Variants in MMEL1 observed in about 807,000 individuals in gnomAD.
The protein encoded by MMEL1 is membrane metallo-endopeptidase-like 1.
Under a neutral mutation model 117.1 loss-of-function variants are expected in MMEL1, and 98 were observed. The ratio of observed to expected loss-of-function variants is 0.84; its 90% confidence interval spans 0.71 to 0.99. The LOEUF is 0.99. MMEL1 is among the 50% of genes least tolerant of loss of function. The pLI is 0.00. For synonymous variants in MMEL1, 390 were observed against 415.1 expected, an observed-to-expected ratio of 0.94 and a Z score of 0.74; for missense variants, 1,014 against 1,049.1, an observed-to-expected ratio of 0.97 and a Z score of 0.46.
In MMEL1 at chr1:2,590,917, G is replaced by T; in HGVS notation, c.*73C>A. 1 of 1,202,264 alleles carries T rather than the reference G, an allele frequency of 8.3e-7. No individual in the cohort carries two copies. The highest frequency in any genetic ancestry group is 1.1e-6 in the Non-Finnish European group (1 of 918,148). The allele number at this position is 1,202,264 out of a possible 1,614,324, so 74.5% of individuals were successfully genotyped here. ...GGGGCGGGACGTACACTGGGTCGCC[G>T]CTAGCTGCACCTTCGCACAGATGCC... On this transcript the variant is annotated 3_prime_UTR_variant, in exon 24 of 24. Coordinates refer to ENST00000378412, the MANE Select transcript of MMEL1 (RefSeq NM_033467.4).
chr1:2,603,152 G>C (rs933062032), intron 11 of MMEL1, among the ~76,000 whole-genome samples: 1 of 152,200 alleles, frequency 6.6e-6, no homozygotes, highest in Admixed American at 6.5e-5. Flanking sequence ...GAGTCTCTCT[G>C]TCTTGCCCTT....
At position 2,609,357 on chromosome 1, in the gene MMEL1, G is replaced by T. The variant is rs376308719; in HGVS notation, c.517C>A (p.Arg173Ser). 172 of 1,611,640 alleles carry T rather than the reference G, an allele frequency of 1.1e-4. No individual in the cohort carries two copies. The highest frequency in any genetic ancestry group is 1.4e-4 in the Non-Finnish European group (161 of 1,179,408). Reference protein sequence around the residue: ...PAVEKARTLYRSCMNQSVIEK... With the variant: ...PAVEKARTLYSSCMNQSVIEK... ...CACTCACTCTGGTTCATGCAGGAGC[G>T]GTACAGCGTCCTGGCCTTCTCCACA... The change falls in exon 6 of 24, where the codon CGC (arginine) becomes AGC (serine). Residue 173 changes from arginine (R) to serine (S), a missense_variant. Coordinates refer to ENST00000378412, the MANE Select transcript of MMEL1 (RefSeq NM_033467.4).
intron 6 of MMEL1, among the ~76,000 whole-genome samples, chr1:2,607,743 G>A (rs1247683018): frequency 2.6e-5 from 4 of 152,114 alleles, no homozygotes; most frequent in Middle Eastern, 3.2e-3. Context: ...GGGGAGGCCC[G>A]AGTGGGCTGA....
intron 2 of MMEL1, among the ~76,000 whole-genome samples, chr1:2,625,572 G>A (rs768961790): frequency 1.3e-5 from 2 of 152,194 alleles, no homozygotes; most frequent in Non-Finnish European, 2.9e-5. Context: ...TTTTGGAGCG[G>A]GGCCCTGCTA....
At chr1:2,608,606 TACACATAACACACACATACATGC>T (rs1175790500) in intron 6 of MMEL1, among the ~76,000 whole-genome samples, 3 of 151,762 alleles carry the variant, frequency 2.0e-5, no homozygotes, top group African/African-American at 7.3e-5. Context: ...TACACACATA[TACACATAACACACACATACATGC>T]ACACACAACA....
At chr1:2,611,637 C>T (rs1570690879) in intron 3 of MMEL1, among the ~76,000 whole-genome samples, 1 of 152,172 alleles carries the variant, frequency 6.6e-6, no homozygotes, top group East Asian at 1.9e-4. Flanking sequence ...CTGAGGCCTT[C>T]AGTGATAGTG....
At chr1:2,620,683 T>C (rs1645276152) in intron 2 of MMEL1, among the ~76,000 whole-genome samples, 1 of 151,982 alleles carries the variant, frequency 6.6e-6, no homozygotes, top group Admixed American at 6.6e-5. Flanking sequence ...CAGAGCTCAC[T>C]GTCTCTTTCC....
rs576888977 is a variant in MMEL1 at position 2,594,677 on chromosome 1, T to C, written c.1688+113A>G. ...AGGCCCAGTGACTGCACCCCTCAGC[T>C]GGCACTGGACCCCAGCCACGCATCC... On this transcript the variant is annotated intron_variant, in intron 17 of 23. Transcript: ENST00000378412. 1.4e-4 allele frequency: 141 copies of C among 985,086 alleles called. 1 individual carries two copies. The South Asian group carries it at 2.0e-3, about 14-fold the overall frequency. The allele number at this position is 985,086 out of a possible 1,614,324, so 61.0% of individuals were successfully genotyped here. A position where few individuals can be genotyped will look rare whatever the true frequency, so the allele number is the denominator to read the frequency against.
chr1:2,609,034 TACACACACACACACACACACACAC>T (rs70956312), intron 6 of MMEL1, among the ~76,000 whole-genome samples: 19 of 144,764 alleles, frequency 1.3e-4, no homozygotes, highest in South Asian at 4.5e-4. Flanking sequence ...ATCCATATAA[TACACACACACACACACACACACAC>T]ACACACACAC....
chr1:2,611,870 CCT>C (rs1216441049), intron 3 of MMEL1, among the ~76,000 whole-genome samples: 2 of 152,212 alleles, frequency 1.3e-5, no homozygotes, highest in Non-Finnish European at 2.9e-5. Flanking sequence ...CTGCCCCACC[CCT>C]GTGCCAGCTG....
intron 1 of MMEL1, among the ~76,000 whole-genome samples, chr1:2,630,862 T>G (rs1425260981): frequency 6.8e-6 from 1 of 147,430 alleles, no homozygotes; most frequent in South Asian, 2.1e-4. Flanking sequence ...GTGCGTGTAC[T>G]CTCGTGTGTG....
chr1:2,630,486 A>T (rs1638494475), intron 1 of MMEL1, among the ~76,000 whole-genome samples: 1 of 148,006 alleles, frequency 6.8e-6, no homozygotes, highest in Non-Finnish European at 1.5e-5. Flanking sequence ...GTGTGTGTGC[A>T]CGTGTGTGCG....
chr1:2,622,320 G>A (rs552322216), intron 2 of MMEL1, among the ~76,000 whole-genome samples: 7 of 152,286 alleles, frequency 4.6e-5, no homozygotes, highest in Admixed American at 3.3e-4. Flanking sequence ...TACCAACACC[G>A]GTCCTGCGGC....
intron 6 of MMEL1, among the ~76,000 whole-genome samples, chr1:2,608,189 GCCAGGGTC>G (rs903455007): frequency 4.6e-5 from 7 of 152,062 alleles, no homozygotes; most frequent in Non-Finnish European, 1.0e-4. Context: ...GCCCCCTAAA[GCCAGGGTC>G]CCAGCGAGTT....
Position 2,604,286 on chromosome 1 carries a change from G to T in MMEL1, c.817-5C>A. 6.2e-7 allele frequency: 1 copy of T among 1,612,224 alleles called. No homozygotes were observed. The highest frequency in any genetic ancestry group is 2.2e-5 in the East Asian group (1 of 44,862). ...CTGCAGGTAGGCTTCCCGCACCTGGGCCAAAGGACGCCGGGCAGAGCTGGG... is the reference window on the plus strand; with the variant it reads ...CTGCAGGTAGGCTTCCCGCACCTGGTCCAAAGGACGCCGGGCAGAGCTGGG... On this transcript the variant is annotated splice_region_variant and splice_polypyrimidine_tract_variant and intron_variant, in intron 9 of 23. Transcript: ENST00000378412.
Position 2,629,442 on chromosome 1 carries a change from C to A in MMEL1, c.43G>T (p.Gly15Cys). The A allele has an allele frequency of 6.5e-7, 1 of 1,543,922 alleles. No homozygotes were observed. The change falls in exon 2 of 24, where the codon GGC becomes TGC. Residue 15 changes from glycine to cysteine, a missense_variant. Transcript: ENST00000378412. ...CCCGGGCGCTTCTGCCCTGCACGGC[C>A]GGCGCTCTCCACCATCCCCACTGGG... is the stretch of plus-strand genomic sequence containing the variant. Reference protein sequence around the residue: ...EGPVGMVESAGRAGQKRPGFL... With the variant: ...EGPVGMVESACRAGQKRPGFL...
chr1:2,607,638 C>T (rs1645051718), intron 6 of MMEL1, among the ~76,000 whole-genome samples: 1 of 152,154 alleles, frequency 6.6e-6, no homozygotes, highest in African/African-American at 2.4e-5. Flanking sequence ...AGACCACCCA[C>T]AGGGCAAAGT....
In MMEL1 at chr1:2,607,069, C is replaced by T. The variant is rs1340701245; in HGVS notation, c.536G>A (p.Ser179Asn). ...CTGAGAGCCTCGCTTCTCTATCACA[C>T]CTGAGAAGGGACGCAGTGGTCACTC... ...RTLYRSCMNQ[S>N]VIEKRGSQPL... The change falls in exon 7 of 24, where the codon AGT becomes AAT. Residue 179 changes from serine (S) to asparagine (N), a missense_variant and splice_region_variant. Coordinates refer to ENST00000378412, the MANE Select transcript of MMEL1 (RefSeq NM_033467.4). 1 of 1,611,200 alleles carries T rather than the reference C, an allele frequency of 6.2e-7. No individual in the cohort carries two copies. Among genetic ancestry groups the T allele is most frequent in the East Asian group, 2.2e-5 (1 of 44,860 alleles).
At position 2,612,264 on chromosome 1, in the gene MMEL1, G is replaced by A; in HGVS notation, c.155-60C>T. ...TGCCTGCAGCTCCCTGGGGGTGCTGGGGGCCTCCCTGGGTCAGCACGCCAT... is the reference window on the plus strand; with the variant it reads ...TGCCTGCAGCTCCCTGGGGGTGCTGAGGGCCTCCCTGGGTCAGCACGCCAT... On this transcript the variant is annotated intron_variant, in intron 2 of 23. Coordinates refer to ENST00000378412, the MANE Select transcript of MMEL1 (RefSeq NM_033467.4). This position sits in a 1 kb window ranked among gnomAD's most constrained non-coding sequence, Gnocchi z 5.4. 7.0e-7 allele frequency: 1 copy of A among 1,437,198 alleles called. No individual in the cohort carries two copies. Among genetic ancestry groups the A allele is most frequent in the South Asian group, 1.2e-5 (1 of 81,796 alleles). 89.0% of individuals were successfully genotyped at this position (1,437,198 alleles called of 1,614,324 possible). A position where few individuals can be genotyped will look rare whatever the true frequency, so the allele number is the denominator to read the frequency against.
Sources: allele counts gnomAD v4.1 joint callset (sites outside exome capture counted in the v4.1 genomes callset), GRCh38; gene constraint gnomAD v4.1.1; non-coding constraint Gnocchi (gnomAD v3.1); transcripts MANE v1.5; gene names NCBI Gene and HGNC (gene_info 2026-07-23, HGNC 2026-07-21).